Variants in LHX3 observed in about 807,000 individuals in gnomAD.
LHX3 encodes LIM/homeobox protein Lhx3.
A neutral mutation model predicts 32.4 loss-of-function variants in LHX3; 21 were observed. That is an observed-to-expected ratio of 0.65 (90% CI 0.46 to 0.93). LHX3 has a LOEUF of 0.93. Among genes scored for constraint, LHX3 ranks in the 40% least tolerant of loss-of-function variants. LHX3 has a pLI of 0.00. For synonymous variants in LHX3, 258 were observed against 246.8 expected (o/e 1.05, Z -0.43); for missense variants, 626 against 560.0 (o/e 1.12, Z -1.19).
chr9:136,197,008 C>G lies in LHX3; in HGVS notation c.*317G>C. 2.1e-6 allele frequency: 1 copy of G among 484,908 alleles called. No homozygotes were observed. The highest frequency in any genetic ancestry group is 3.5e-5 in the Admixed American group (1 of 28,214). 30.0% of individuals were successfully genotyped at this position (484,908 alleles called of 1,614,324 possible). A position where few individuals can be genotyped will look rare whatever the true frequency, so the allele number is the denominator to read the frequency against. On this transcript the variant is annotated 3_prime_UTR_variant, in exon 6 of 6. Transcript: ENST00000371748. Reference sequence around the variant, plus strand: ...CGGGCTATGCTGGGCTGGGCTGGGCCTCAGCAAGGTGACATTTCATGTCTA... The same window carrying G: ...CGGGCTATGCTGGGCTGGGCTGGGCGTCAGCAAGGTGACATTTCATGTCTA...
chr9:136,203,164 G>T, intron 1 of LHX3: 4 of 1,297,464 alleles, frequency 3.1e-6, no homozygotes, highest in Non-Finnish European at 3.9e-6. Flanking sequence ...CTGCGCCCGC[G>T]GGCCGCCCTG....
intron 1 of LHX3, among the ~76,000 whole-genome samples, chr9:136,201,870 G>A (rs1241933668): frequency 6.6e-6 from 1 of 152,158 alleles, no homozygotes; most frequent in Non-Finnish European, 1.5e-5. Context: ...GCGAGGACCC[G>A]GCTCGGAGCG....
intron 5 of LHX3, 107 bp from the exon 6 acceptor site, chr9:136,197,850 CCCA>C (rs774644099): frequency 7.5e-6 from 9 of 1,202,428 alleles, no homozygotes; most frequent in Non-Finnish European, 1.1e-5. Context: ...GAGTGGCTGC[CCCA>C]CACCACATGA....
chr9:136,201,098 C>G, intron 1 of LHX3: 1 of 1,406,392 alleles, frequency 7.1e-7, no homozygotes, highest in Non-Finnish European at 9.3e-7. Flanking sequence ...AATGAAAACC[C>G]CACCCCAGGG....
chr9:136,200,208 G>C (rs770383879), intron 2 of LHX3: 1 of 560,592 alleles, frequency 1.8e-6, no homozygotes, highest in Non-Finnish European at 3.2e-6. Flanking sequence ...AGGCCACTGG[G>C]CCAGAGCCGC....
Position 136,201,632 on chromosome 9 carries a change from C to T in LHX3, c.80-879G>A, listed in dbSNP as rs1831641544. ...GGATTTACTGACATATTGCACCCGCCTCCCTGGCTGTGGACCCCGCCGGCT... is the reference window on the plus strand; with the variant it reads ...GGATTTACTGACATATTGCACCCGCTTCCCTGGCTGTGGACCCCGCCGGCT... On this transcript the variant is annotated intron_variant, in intron 1 of 5. Transcript: ENST00000371748. 4.0e-6 allele frequency: 4 copies of T among 995,698 alleles called. No individual in the cohort carries two copies. In the Admixed American group the frequency reaches 2.4e-4, roughly 60 times the overall value. 61.7% of individuals were successfully genotyped at this position (995,698 alleles called of 1,614,324 possible). A position where few individuals can be genotyped will look rare whatever the true frequency, so the allele number is the denominator to read the frequency against.
chr9:136,201,423 C>A, intron 1 of LHX3: 1 of 1,228,914 alleles, frequency 8.1e-7, no homozygotes. Context: ...CTTCCCGCTG[C>A]TTCTGCCCCC....
chr9:136,205,107 G>T lies in LHX3; in HGVS notation c.-95C>A. On this transcript the variant is annotated 5_prime_UTR_variant, in exon 1 of 6. Transcript: ENST00000371748. ...TCCCAAGTCCCGCCGCGTCGTGCGGGGCAGGGAGCCCGGGAGCCACTGGGC... is the reference window on the plus strand; with the variant it reads ...TCCCAAGTCCCGCCGCGTCGTGCGGTGCAGGGAGCCCGGGAGCCACTGGGC... 9.2e-7 allele frequency: 1 copy of T among 1,088,604 alleles called. No homozygotes were observed. Among genetic ancestry groups the T allele is most frequent in the Non-Finnish European group, 1.3e-6 (1 of 783,346 alleles). The allele number at this position is 1,088,604 out of a possible 1,614,324, so 67.4% of individuals were successfully genotyped here.
rs766547912 is a variant in LHX3 at position 136,198,769 on chromosome 9, C to T, written c.658G>A (p.Gly220Ser). 10 of 1,611,116 alleles carry T rather than the reference C, an allele frequency of 6.2e-6. No homozygotes were observed. The highest frequency in any genetic ancestry group is 8.5e-6 in the Non-Finnish European group (10 of 1,179,758). ...AAATACTGCCCCCAGCGCTGCCGGC[C>T]GGCGTCCTTCTTCAGCCTCTTCTCC... is the stretch of plus-strand genomic sequence containing the variant. ...AKEKRLKKDA[G>S]RQRWGQYFRN... The change falls in exon 5 of 6, where the codon GGC becomes AGC. Residue 220 changes from glycine (G) to serine (S), a missense_variant. Physicochemically the swap from Gly to Ser is moderately conservative, Grantham distance 56. Transcript: ENST00000371748.
chr9:136,199,960 G>A (rs757427505), intron 2 of LHX3, 80 bp from the exon 3 acceptor site: 1 of 1,436,182 alleles, frequency 7.0e-7, no homozygotes. Flanking sequence ...GAGGCAAGCG[G>A]CTGCCTGGGA....
chr9:136,201,110 G>C, intron 1 of LHX3: 1 of 1,404,374 alleles, frequency 7.1e-7, no homozygotes, highest in Non-Finnish European at 9.2e-7. Context: ...ACCCCAGGGG[G>C]ATCTGCTCTC....
intron 1 of LHX3, chr9:136,201,628 C>G: frequency 6.0e-6 from 6 of 997,158 alleles, no homozygotes; most frequent in Non-Finnish European, 7.2e-6. Context: ...CATATTGCAC[C>G]CGCCTCCCTG....
At chr9:136,203,150 G>C in intron 1 of LHX3, 1 of 1,335,872 alleles carries the variant, frequency 7.5e-7, no homozygotes, top group Non-Finnish European at 9.5e-7. Flanking sequence ...GGTGCTGCTG[G>C]GCGCTGCGCC....
Position 136,204,995 on chromosome 9 carries a change from C to T in LHX3, c.18G>A (p.Gly6=). ...CGGGCCTCGCTCGGTCGCGCTCGAG[C>T]CCCGTTTCCAGCAGCATCGCGGCCA... MLLET[G]LERDRARPGA... Residue 6 remains glycine (G), a synonymous_variant, in exon 1 of 6, where the codon GGG becomes GGA. Coordinates refer to ENST00000371748, the MANE Select transcript of LHX3 (RefSeq NM_178138.6). 3 of 1,590,948 alleles carry T rather than the reference C, an allele frequency of 1.9e-6. No individual in the cohort carries two copies. The highest frequency in any genetic ancestry group is 1.7e-6 in the Non-Finnish European group (2 of 1,173,374).
At chr9:136,203,048 CCGCCCGGCGT>C in intron 1 of LHX3, 1 of 1,517,514 alleles carries the variant, frequency 6.6e-7, no homozygotes, top group Non-Finnish European at 8.8e-7. Flanking sequence ...ATGGGTCCCG[CCGCCCGGCGT>C]CGCCACTCTC....
In LHX3 at chr9:136,199,742, C is replaced by T. The variant is rs1487183126; in HGVS notation, c.390G>A (p.Glu130=). The part of the protein sequence containing the change: ...VCKRQLATGD[E]FYLMEDSRLV... ...GCCGGCTGTCCTCCATGAGGTAGAA[C>T]TCGTCGCCCGTGGCCAGCTGCCGCT... Residue 130 remains glutamate (E), a synonymous_variant, in exon 3 of 6, where the codon GAG becomes GAA. Transcript: ENST00000371748. 1 of 1,612,808 alleles carries T rather than the reference C, an allele frequency of 6.2e-7. No individual in the cohort carries two copies. Among genetic ancestry groups the T allele is most frequent in the Non-Finnish European group, 8.5e-7 (1 of 1,179,938 alleles).
chr9:136,203,805 C>G, intron 1 of LHX3, among the ~76,000 whole-genome samples: 1 of 152,222 alleles, frequency 6.6e-6, no homozygotes, highest in African/African-American at 2.4e-5. Context: ...ATTTCCAGCC[C>G]CCAGCACTCC....
At chr9:136,200,919 C>CG (rs1831626447) in intron 1 of LHX3, among the ~76,000 whole-genome samples, 166 bp from the exon 2 acceptor site, 1 of 152,206 alleles carries the variant, frequency 6.6e-6, no homozygotes, top group Non-Finnish European at 1.5e-5. Flanking sequence ...TAAGTGGCCC[C>CG]GCAAGTTCCG....
intron 1 of LHX3, among the ~76,000 whole-genome samples, chr9:136,202,361 C>T (rs1831662147): frequency 6.6e-6 from 1 of 152,098 alleles, no homozygotes; most frequent in Non-Finnish European, 1.5e-5. Context: ...CCCAGGTTCC[C>T]TAAGAACCAA....
Sources: gnomAD v4.1 joint callset for allele counts (sites outside exome capture counted in the v4.1 genomes callset) on GRCh38, gnomAD v4.1.1 for gene constraint, MANE v1.5 for transcripts, NCBI Gene and HGNC (gene_info 2026-07-23, HGNC 2026-07-21) for gene names.